Variants in SPATA17 observed in about 807,000 individuals in gnomAD.
SPATA17 encodes spermatogenesis associated 17, also known as spermatogenesis-associated protein 17.
SPATA17 carries 53 observed loss-of-function variants against 62.2 expected under a neutral mutation model. The ratio of observed to expected loss-of-function variants is 0.85; its 90% CI spans 0.68 to 1.07. The LOEUF is 1.07. Among genes scored for constraint, SPATA17 ranks in the 50% least tolerant of loss-of-function variants. The pLI is 0.00. For synonymous variants in SPATA17, 146 were observed against 146.8 expected (o/e 0.99, Z 0.04); for missense variants, 466 against 425.5 (o/e 1.10, Z -0.84).
intron 6 of SPATA17, among the ~76,000 whole-genome samples, chr1:217,752,405 A>C (rs755809358): frequency 1.6e-4 from 24 of 152,186 alleles, no homozygotes; most frequent in Non-Finnish European, 2.4e-4. Flanking sequence ...CAACATCTTA[A>C]AATCTAAAAA....
chr1:217,720,109 C>T (rs567048911), intron 5 of SPATA17, among the ~76,000 whole-genome samples: 1 of 152,276 alleles, frequency 6.6e-6, no homozygotes, highest in Non-Finnish European at 1.5e-5. Flanking sequence ...GTAACACTTT[C>T]CCCAGTCATG....
intron 5 of SPATA17, among the ~76,000 whole-genome samples, chr1:217,714,158 C>T (rs1344129974): frequency 6.6e-6 from 1 of 152,066 alleles, no homozygotes; most frequent in African/African-American, 2.4e-5. Context: ...GAGGCTGTGG[C>T]AAGTGAATTA....
intron 9 of SPATA17, among the ~76,000 whole-genome samples, chr1:217,857,729 C>T (rs570108796): frequency 5.3e-5 from 8 of 152,262 alleles, no homozygotes; most frequent in African/African-American, 1.9e-4. Context: ...TTCACCTCTT[C>T]CTGTACCAGA....
intron 1 of SPATA17, among the ~76,000 whole-genome samples, chr1:217,639,202 A>C (rs79108488): frequency 0.017 from 2,557 of 152,276 alleles, 84 homozygotes; most frequent in African/African-American, 0.059. Context: ...ATAAGATTCT[A>C]TTCTGGACAG....
At chr1:217,774,678 C>A (rs897813321) in intron 7 of SPATA17, 141 bp downstream of exon 7, 12 of 687,996 alleles carry the variant, frequency 1.7e-5, no homozygotes, top group Non-Finnish European at 2.4e-5. Flanking sequence ...TTTGTGCAAT[C>A]AGCTGTCGCT....
At chr1:217,750,717 T>C (rs1672883337) in intron 6 of SPATA17, among the ~76,000 whole-genome samples, 1 of 152,214 alleles carries the variant, frequency 6.6e-6, no homozygotes, top group Non-Finnish European at 1.5e-5. Flanking sequence ...TATGAATGTT[T>C]TCATGCAGAA....
At chr1:217,836,645 C>T (rs976417661) in intron 9 of SPATA17, among the ~76,000 whole-genome samples, 6 of 152,108 alleles carry the variant, frequency 3.9e-5, no homozygotes, top group African/African-American at 1.4e-4. Flanking sequence ...TATGGCTTCT[C>T]TTGTTTGTAT....
intron 9 of SPATA17, among the ~76,000 whole-genome samples, chr1:217,840,830 G>A (rs2103006698): frequency 6.6e-6 from 1 of 152,024 alleles, no homozygotes; most frequent in East Asian, 1.9e-4. Context: ...TTGCACTCCA[G>A]CCTGAGTGAC....
chr1:217,771,783 A>G (rs1673452456), intron 6 of SPATA17, among the ~76,000 whole-genome samples: 1 of 152,206 alleles, frequency 6.6e-6, no homozygotes, highest in South Asian at 2.1e-4. Context: ...TAAGAAAGCT[A>G]TCATGTCTAC....
At chr1:217,704,230 C>CTTTTTTTTTTTTTTTTTTTTTT (rs560591615) in intron 5 of SPATA17, among the ~76,000 whole-genome samples, 1 of 41,692 alleles carries the variant, frequency 2.4e-5, no homozygotes, top group Non-Finnish European at 4.6e-5. Context: ...TTCCCTCTAC[C>CTTTTTTTTTTTTTTTTTTTTTT]TTTTTTTTTT....
intron 3 of SPATA17, among the ~76,000 whole-genome samples, chr1:217,662,767 C>T (rs562260100): frequency 1.3e-5 from 2 of 152,222 alleles, no homozygotes; most frequent in African/African-American, 2.4e-5. Flanking sequence ...TTGTTGCTTT[C>T]ACAGATGTTT....
chr1:217,804,737 A>G (rs890039378), intron 9 of SPATA17, among the ~76,000 whole-genome samples: 3 of 152,240 alleles, frequency 2.0e-5, no homozygotes, highest in Admixed American at 6.5e-5. Context: ...AGACTGGAAT[A>G]GACATTTCTC....
chr1:217,678,918 C>CT (rs34700529), intron 4 of SPATA17, among the ~76,000 whole-genome samples: 31,713 of 148,838 alleles, frequency 0.21, 3,685 homozygotes, highest in African/African-American at 0.33. Context: ...AATCATTTTT[C>CT]TTTTTTTTTT....
intron 6 of SPATA17, among the ~76,000 whole-genome samples, chr1:217,762,255 G>A (rs1442910566): frequency 1.3e-5 from 2 of 151,996 alleles, no homozygotes; most frequent in Non-Finnish European, 2.9e-5. Context: ...TGCTAGCTAC[G>A]ACCTCTTTTT....
intron 4 of SPATA17, among the ~76,000 whole-genome samples, chr1:217,677,546 C>G (rs1271727033): frequency 2.6e-5 from 4 of 151,812 alleles, no homozygotes; most frequent in African/African-American, 4.8e-5. Flanking sequence ...TCTGGGCATA[C>G]AGAATGAATA....
chr1:217,782,034 A>G, intron 7 of SPATA17, 140 bp from the exon 8 acceptor site: 2 of 742,660 alleles, frequency 2.7e-6, no homozygotes, highest in Non-Finnish European at 4.0e-6. Context: ...TGCATATTCT[A>G]ACTCAGCGAA....
intron 5 of SPATA17, among the ~76,000 whole-genome samples, chr1:217,728,816 G>T (rs932357339): frequency 6.6e-6 from 1 of 152,008 alleles, no homozygotes; most frequent in African/African-American, 2.4e-5. Context: ...TTTATCTATT[G>T]TGAATCTGAA....
intron 1 of SPATA17, among the ~76,000 whole-genome samples, chr1:217,648,478 A>C (rs1439310009): frequency 6.6e-6 from 1 of 152,238 alleles, no homozygotes; most frequent in African/African-American, 2.4e-5. Context: ...CTGATGAATG[A>C]GTGAAATATG....
chr1:217,810,926 C>G (rs1232915767), intron 9 of SPATA17, among the ~76,000 whole-genome samples: 1 of 152,096 alleles, frequency 6.6e-6, no homozygotes, highest in Admixed American at 6.6e-5. Flanking sequence ...CCAGATCCCT[C>G]CCTTGACACA....
Sources: gnomAD v4.1 joint callset for allele counts (sites outside exome capture counted in the v4.1 genomes callset) on GRCh38, gnomAD v4.1.1 for gene constraint, MANE v1.5 for transcripts, NCBI Gene and HGNC (gene_info 2026-07-23, HGNC 2026-07-21) for gene names.